Variants in GAREM1 observed in about 807,000 individuals in gnomAD.
GAREM1 encodes the protein GRB2 associated regulator of MAPK1 subtype 1.
In GAREM1, 26 loss-of-function variants were observed where a neutral mutation model predicts 71.3. The observed-to-expected ratio is 0.36, with a 90% CI of 0.27 to 0.51. The LOEUF (loss-of-function observed/expected upper bound fraction) is 0.51, where lower values mean the gene tolerates loss of function less well. GAREM1 is among the 20% of genes least tolerant of loss of function. The pLI, the probability that GAREM1 is intolerant of heterozygous loss-of-function variation, is 0.95. For missense variants in GAREM1, 1,026 were observed against 1,103.1 expected, an observed-to-expected ratio of 0.93 and a Z score of 0.99; for synonymous variants, 440 against 433.2, an observed-to-expected ratio of 1.02 and a Z score of -0.20.
In GAREM1 at chr18:32,470,826, G is replaced by T. The variant is rs964830562; in HGVS notation, c.-398C>A. ...ACCCCTCCTTCCCTCCGCCTCGAGC[G>T]TGTGAGGAGGAGCCGCGGGTCTGAG... is the stretch of plus-strand genomic sequence containing the variant. On this transcript the variant is annotated 5_prime_UTR_variant, in exon 1 of 6. Coordinates refer to ENST00000269209, the MANE Select transcript of GAREM1 (RefSeq NM_001242409.2). This position sits in a 1 kb window ranked among gnomAD's most constrained non-coding sequence, Gnocchi z 4.4. 5.3e-5 allele frequency among the ~76,000 whole-genome samples: 8 copies of T among 150,314 alleles called. No individual in the cohort carries two copies. Among genetic ancestry groups the T allele is most frequent in the African/African-American group, 1.9e-4 (8 of 41,204 alleles).
intron 2 of GAREM1, among the ~76,000 whole-genome samples, chr18:32,329,703 TAA>T (rs756082703): frequency 9.5e-4 from 74 of 78,136 alleles, no homozygotes; most frequent in African/African-American, 2.3e-3. Context: ...GAGACTCCAT[TAA>T]AAAAAAAAAA....
chr18:32,436,149 T>C (rs565828041), intron 1 of GAREM1, among the ~76,000 whole-genome samples: 1 of 152,244 alleles, frequency 6.6e-6, no homozygotes, highest in Admixed American at 6.5e-5. Context: ...GATTAAGTTG[T>C]TAAAAGATAA....
chr18:32,348,803 G>A (rs16963196), intron 2 of GAREM1, among the ~76,000 whole-genome samples: 13,187 of 152,064 alleles, frequency 0.087, 957 homozygotes, highest in African/African-American at 0.2. Context: ...AAGTTGAGAG[G>A]ATATTAAAAA....
chr18:32,335,004 T>C (rs968428498), intron 2 of GAREM1, among the ~76,000 whole-genome samples: 40 of 152,188 alleles, frequency 2.6e-4, no homozygotes, highest in Non-Finnish European at 5.0e-4. Context: ...CACTCCTTCC[T>C]TCCTCCTCAA....
intron 2 of GAREM1, among the ~76,000 whole-genome samples, chr18:32,360,488 G>A (rs772085589): frequency 2.0e-4 from 31 of 152,210 alleles, no homozygotes; most frequent in Admixed American, 1.3e-4. Flanking sequence ...TCACTGCAAC[G>A]TGGTCACCTG....
intron 1 of GAREM1, among the ~76,000 whole-genome samples, chr18:32,408,894 C>T (rs186534199): frequency 1.1e-3 from 173 of 152,254 alleles, no homozygotes; most frequent in Non-Finnish European, 1.2e-3. Context: ...TATGTATCTG[C>T]TGTCATATAA....
chr18:32,467,425 T>G lies in GAREM1; in HGVS notation c.121+2883A>C, dbSNP rs1035799. Among the ~76,000 whole-genome samples the G allele has an allele frequency of 0.026, 3,897 of 152,148 alleles. 379 individuals carry two copies. In the East Asian group the frequency reaches 0.34, roughly 13 times the overall value. On this transcript the variant is annotated intron_variant, in intron 1 of 5. Transcript: ENST00000269209. ...TGAGATAAGAGGTCAGTCTTCAGAG[T>G]CAGAAGGTTGGCTGGAAATTCCACT...
chr18:32,383,185 GTA>G (rs1284412802), intron 2 of GAREM1, among the ~76,000 whole-genome samples: 1 of 152,188 alleles, frequency 6.6e-6, no homozygotes, highest in Non-Finnish European at 1.5e-5. Flanking sequence ...CCTGTGTAAT[GTA>G]TACCTCACCA....
intron 1 of GAREM1, among the ~76,000 whole-genome samples, chr18:32,457,233 G>A (rs1162139723): frequency 4.0e-5 from 6 of 149,434 alleles, no homozygotes; most frequent in African/African-American, 1.2e-4. Flanking sequence ...GAGAGTGTGT[G>A]TGTGTGTGTG....
chr18:32,452,817 A>T (rs2048852074), intron 1 of GAREM1, among the ~76,000 whole-genome samples: 1 of 151,444 alleles, frequency 6.6e-6, no homozygotes, highest in Admixed American at 6.6e-5. Context: ...TACTTTGAGG[A>T]TCCAGAGAAG....
chr18:32,283,781 T>A (rs1268690480), intron 4 of GAREM1, among the ~76,000 whole-genome samples: 1 of 152,188 alleles, frequency 6.6e-6, no homozygotes, highest in Non-Finnish European at 1.5e-5. Context: ...CTGTTTAAGA[T>A]ACAAACAGAA....
chr18:32,315,039 G>GA (rs1317627712), intron 2 of GAREM1, among the ~76,000 whole-genome samples: 1 of 152,044 alleles, frequency 6.6e-6, no homozygotes, highest in African/African-American at 2.4e-5. Context: ...GAGTATTTTA[G>GA]AAAAATGTTC....
intron 4 of GAREM1, among the ~76,000 whole-genome samples, chr18:32,275,588 T>G (rs1325675319): frequency 1.3e-5 from 2 of 152,204 alleles, no homozygotes; most frequent in African/African-American, 4.8e-5. Context: ...ACCCAAAGCC[T>G]CGCTTCCTGA....
chr18:32,355,212 A>G (rs1026163030), intron 2 of GAREM1, among the ~76,000 whole-genome samples: 7 of 152,150 alleles, frequency 4.6e-5, no homozygotes, highest in Non-Finnish European at 7.4e-5. Flanking sequence ...TAATTATGGT[A>G]TTCTTTTTCC....
At chr18:32,413,125 T>C (rs1187812551) in intron 1 of GAREM1, 29 of 1,537,922 alleles carry the variant, frequency 1.9e-5, no homozygotes, top group Non-Finnish European at 2.4e-5. Flanking sequence ...AACCCTCCAA[T>C]GAAGAGCTTC....
intron 2 of GAREM1, among the ~76,000 whole-genome samples, chr18:32,357,781 T>C (rs559784785): frequency 1.3e-5 from 2 of 152,202 alleles, no homozygotes; most frequent in Non-Finnish European, 2.9e-5. Context: ...ATACTAAACA[T>C]AGCTATACAG....
intron 1 of GAREM1, among the ~76,000 whole-genome samples, chr18:32,437,890 ACTGAGCTTAC>A (rs1157887857): frequency 8.5e-5 from 13 of 152,296 alleles, no homozygotes; most frequent in African/African-American, 2.9e-4. Flanking sequence ...AACTAGGCAA[ACTGAGCTTAC>A]CTTTAAGCAG....
At chr18:32,345,760 G>C (rs1160855659) in intron 2 of GAREM1, among the ~76,000 whole-genome samples, 1 of 152,206 alleles carries the variant, frequency 6.6e-6, no homozygotes. Flanking sequence ...AGAACTGGGT[G>C]ATAATGGCAC....
At chr18:32,392,873 T>C (rs1458721730) in intron 2 of GAREM1, 22 bp downstream of exon 2, 5 of 1,607,702 alleles carry the variant, frequency 3.1e-6, no homozygotes, top group East Asian at 2.2e-5. Context: ...CTGCCTCATC[T>C]TGGCCCTTGG....
Sources: gnomAD v4.1 joint callset for allele counts (sites outside exome capture counted in the v4.1 genomes callset) on GRCh38, gnomAD v4.1.1 for gene constraint, Gnocchi (gnomAD v3.1) non-coding constraint, MANE v1.5 for transcripts, NCBI Gene and HGNC (gene_info 2026-07-23, HGNC 2026-07-21) for gene names.